ADGRB3: variants seen among roughly 807,000 people sequenced by gnomAD.
ADGRB3 encodes brain-specific angiogenesis inhibitor 3.
Under a neutral mutation model 193.4 loss-of-function variants are expected in ADGRB3, and 37 were observed. The observed-to-expected ratio is 0.19, with a 90% CI of 0.15 to 0.25. ADGRB3 has a LOEUF of 0.25. Ranked by LOEUF, ADGRB3 falls within the 10% of genes least tolerant of loss-of-function variation. ADGRB3 has a pLI of 1.00. For synonymous variants in ADGRB3, 690 were observed against 644.2 expected, an observed-to-expected ratio of 1.07 and a Z score of -1.08; for missense variants, 1,637 against 1,852.9, an observed-to-expected ratio of 0.88 and a Z score of 2.14.
intron 3 of ADGRB3, among the ~76,000 whole-genome samples, chr6:68,904,165 TG>T (rs763792745): frequency 6.6e-6 from 1 of 151,606 alleles, no homozygotes; most frequent in Non-Finnish European, 1.5e-5. Flanking sequence ...TATTTGGGCA[TG>T]AAAATATTCA....
At chr6:69,122,179 G>A (rs1049179150) in intron 17 of ADGRB3, among the ~76,000 whole-genome samples, 14 of 151,912 alleles carry the variant, frequency 9.2e-5, no homozygotes, top group African/African-American at 3.1e-4. Context: ...TTGGGTGGGC[G>A]AGACTCCGTC....
chr6:69,087,067 A>G (rs1344231011), intron 17 of ADGRB3, among the ~76,000 whole-genome samples: 1 of 152,132 alleles, frequency 6.6e-6, no homozygotes, highest in East Asian at 1.9e-4. Context: ...TTCCAGAATT[A>G]TACACACATA....
chr6:69,192,601 G>T (rs2150355349), intron 17 of ADGRB3, among the ~76,000 whole-genome samples: 1 of 152,144 alleles, frequency 6.6e-6, no homozygotes, highest in Middle Eastern at 3.4e-3. Context: ...ATATAAAATG[G>T]TAAAATGGTT....
At chr6:68,732,133 T>A (rs1265604514) in intron 3 of ADGRB3, among the ~76,000 whole-genome samples, 1 of 151,902 alleles carries the variant, frequency 6.6e-6, no homozygotes, top group Non-Finnish European at 1.5e-5. Flanking sequence ...TTTAAAATTT[T>A]GTTCAGTGTA....
At chr6:69,204,577 T>G (rs757476661) in intron 17 of ADGRB3, among the ~76,000 whole-genome samples, 14 of 152,044 alleles carry the variant, frequency 9.2e-5, no homozygotes, top group South Asian at 4.2e-4. Context: ...TATGTTTAGT[T>G]TTCATCCCTC....
At chr6:68,840,369 C>CTTTTT (rs752625602) in intron 3 of ADGRB3, among the ~76,000 whole-genome samples, 870 of 69,382 alleles carry the variant, frequency 0.013, 186 homozygotes, top group Non-Finnish European at 0.015. Flanking sequence ...ACTGGGCAGT[C>CTTTTT]TTTTTTTTTT....
intron 20 of ADGRB3, among the ~76,000 whole-genome samples, chr6:69,288,864 G>T (rs558879410): frequency 4.7e-4 from 71 of 152,256 alleles, no homozygotes; most frequent in African/African-American, 1.7e-3. Context: ...ATATGTCAAG[G>T]TGGTGTTATT....
chr6:69,015,701 G>A (rs534933811), intron 12 of ADGRB3, among the ~76,000 whole-genome samples: 7 of 151,884 alleles, frequency 4.6e-5, no homozygotes, highest in Non-Finnish European at 8.8e-5. Context: ...TAAAATGGTG[G>A]CTATTGACAT....
chr6:68,914,907 A>G lies in ADGRB3; in HGVS notation c.758-15652A>G, dbSNP rs564314754. ...TAATCTAGCATATTTTGCTTCCCAT[A>G]GAGTATCAAATAAAATCTACAAAAC... On this transcript the variant is annotated intron_variant, in intron 3 of 31. Coordinates refer to ENST00000370598, the MANE Select transcript of ADGRB3 (RefSeq NM_001704.3). Among the ~76,000 whole-genome samples the G allele has an allele frequency of 3.9e-5, 6 of 152,320 alleles. No individual in the cohort carries two copies. The East Asian group carries it at 1.2e-3, about 29-fold the overall frequency.
chr6:68,770,523 A>C (rs559109296), intron 3 of ADGRB3, among the ~76,000 whole-genome samples: 2 of 152,264 alleles, frequency 1.3e-5, no homozygotes, highest in South Asian at 4.1e-4. Flanking sequence ...CTCCTCATTC[A>C]GAGATTCTGT....
intron 17 of ADGRB3, among the ~76,000 whole-genome samples, chr6:69,098,702 G>A (rs1245152330): frequency 2.0e-5 from 3 of 152,068 alleles, no homozygotes; most frequent in Non-Finnish European, 4.4e-5. Flanking sequence ...TTTGGACAAG[G>A]ACACAAAACC....
intron 3 of ADGRB3, among the ~76,000 whole-genome samples, chr6:68,769,229 CAT>C (rs1766569376): frequency 6.6e-6 from 1 of 152,182 alleles, no homozygotes. Context: ...ACTATAAAGA[CAT>C]ATGCACATGT....
chr6:69,061,475 A>G (rs1440139032), intron 15 of ADGRB3, among the ~76,000 whole-genome samples: 2 of 152,072 alleles, frequency 1.3e-5, no homozygotes, highest in Non-Finnish European at 2.9e-5. Context: ...TATGGGAGTA[A>G]CATAAAATTA....
intron 3 of ADGRB3, among the ~76,000 whole-genome samples, chr6:68,703,131 A>AT (rs1765270511): frequency 6.6e-6 from 1 of 152,176 alleles, no homozygotes; most frequent in Non-Finnish European, 1.5e-5. Context: ...AATCAAGGTG[A>AT]TGGGTATATA....
At chr6:69,110,105 G>A (rs1022375905) in intron 17 of ADGRB3, among the ~76,000 whole-genome samples, 4 of 151,826 alleles carry the variant, frequency 2.6e-5, no homozygotes, top group Non-Finnish European at 5.9e-5. Flanking sequence ...CTGCCACCAC[G>A]ACTGGCTAAT....
intron 21 of ADGRB3, among the ~76,000 whole-genome samples, chr6:69,325,350 C>G (rs978885992): frequency 1.3e-5 from 2 of 151,812 alleles, no homozygotes; most frequent in South Asian, 4.2e-4. Context: ...ATTTTCAAGG[C>G]CTAATGTGTG....
intron 10 of ADGRB3, among the ~76,000 whole-genome samples, chr6:68,991,124 G>T (rs1464224218): frequency 1.3e-5 from 2 of 152,074 alleles, no homozygotes; most frequent in Non-Finnish European, 1.5e-5. Context: ...TAGTGTGTTT[G>T]TCTCATGCTA....
chr6:68,801,450 G>A (rs1767309234), intron 3 of ADGRB3, among the ~76,000 whole-genome samples: 1 of 152,128 alleles, frequency 6.6e-6, no homozygotes, highest in Non-Finnish European at 1.5e-5. Context: ...CACTATGGGA[G>A]GCCGAGGTGG....
intron 17 of ADGRB3, among the ~76,000 whole-genome samples, chr6:69,153,257 AAAC>A (rs1774730766): frequency 6.6e-6 from 1 of 152,214 alleles, no homozygotes; most frequent in Admixed American, 6.5e-5. Context: ...TTGTTCTTAA[AAAC>A]TCATGAAGCC....
Sources: allele counts gnomAD v4.1 joint callset (sites outside exome capture counted in the v4.1 genomes callset), GRCh38; gene constraint gnomAD v4.1.1; transcripts MANE v1.5; gene names NCBI Gene and HGNC (gene_info 2026-07-23, HGNC 2026-07-21).